The following RNASEH2B variants were observed in gnomAD, a reference collection of about 807,000 sequenced individuals.
RNASEH2B encodes the protein Aicardi-Goutieres syndrome 2 protein.
RNASEH2B carries 36 observed loss-of-function variants against 45.0 expected under a neutral mutation model. The ratio of observed to expected loss-of-function variants is 0.80; its 90% CI spans 0.61 to 1.06. The LOEUF (loss-of-function observed/expected upper bound fraction) is 1.06. Among genes scored for constraint, RNASEH2B ranks in the 50% least tolerant of loss-of-function variants. The probability of loss-of-function intolerance (pLI) is 0.00; values close to 1 mark genes in which losing one functional copy is unlikely to be tolerated. For synonymous variants in RNASEH2B, 119 were observed against 125.7 expected (o/e 0.95, Z 0.35); for missense variants, 361 against 360.3 (o/e 1.00, Z -0.02).
At chr13:50,930,632 C>T (rs1396498825) in intron 3 of RNASEH2B, 51 bp from the exon 4 acceptor site, 2 of 1,296,354 alleles carry the variant, frequency 1.5e-6, no homozygotes, top group Non-Finnish European at 1.1e-6. Flanking sequence ...GAAATAGCCA[C>T]ATTGTCTTTC....
intron 5 of RNASEH2B, chr13:50,942,470 T>A (rs1951844800): frequency 1.3e-5 from 2 of 152,176 alleles, no homozygotes; most frequent in South Asian, 4.1e-4. Context: ...TTAACAAGAT[T>A]TTTTTCCTGA....
chr13:50,956,967 C>T (rs566428039), downstream of RNASEH2B, among the ~76,000 whole-genome samples: 86 of 149,038 alleles, frequency 5.8e-4, 1 homozygote, highest in Admixed American at 4.8e-3. Context: ...GGCGCGATCT[C>T]GGCTCACTTT....
intron 1 of RNASEH2B, among the ~76,000 whole-genome samples, chr13:50,914,732 T>A (rs1311606438): frequency 6.6e-6 from 1 of 152,218 alleles, no homozygotes; most frequent in Non-Finnish European, 1.5e-5. Context: ...TAGTAACTGT[T>A]CCAAAATACT....
chr13:50,912,721 C>G (rs1879497942), intron 1 of RNASEH2B: 1 of 152,144 alleles, frequency 6.6e-6, no homozygotes, highest in South Asian at 2.1e-4. Flanking sequence ...AAACATTTTT[C>G]AAAAGTATTT....
At chr13:50,939,724 A>G (rs117923783) in intron 5 of RNASEH2B, among the ~76,000 whole-genome samples, 1,911 of 152,302 alleles carry the variant, frequency 0.013, 49 homozygotes, top group Admixed American at 0.074. Context: ...TTTGGTATAC[A>G]TATGAAAAAT....
rs963952677 is a variant in RNASEH2B, at chr13:50,947,691, C to T, written c.617-296C>T. Among the ~76,000 whole-genome samples the T allele has an allele frequency of 2.6e-5, 4 of 151,998 alleles. No homozygotes were observed. The South Asian group carries it at 8.3e-4, about 31-fold the overall frequency. ...TATTCAGTGGTTTCAAATAAGAAAG[C>T]AACCCTGAGTTTTTGTTTTTAATGT... On this transcript the variant is annotated intron_variant, in intron 7 of 10. Transcript: ENST00000336617.
rs371658274 is a variant in RNASEH2B at position 50,952,940 on chromosome 13, T to C, written c.742-965T>C. Reference sequence around the variant, plus strand: ...GGTTATGGGATAAAACACCATGGGCTGTGGAATCTTTTAGCACCAACTCTA... The same window carrying C: ...GGTTATGGGATAAAACACCATGGGCCGTGGAATCTTTTAGCACCAACTCTA... On this transcript the variant is annotated intron_variant, in intron 9 of 10. Coordinates refer to ENST00000336617, the MANE Select transcript of RNASEH2B (RefSeq NM_024570.4). 19 of 152,288 alleles carry C rather than the reference T, an allele frequency of 1.2e-4. No homozygotes were observed. The East Asian group carries it at 3.5e-3, about 28-fold the overall frequency. The allele number at this position is 152,288 out of a possible 1,614,324, so 9.4% of individuals were successfully genotyped here. A position where few individuals can be genotyped will look rare whatever the true frequency, so the allele number is the denominator to read the frequency against.
intron 9 of RNASEH2B, among the ~76,000 whole-genome samples, chr13:50,968,272 C>T (rs1392737946): frequency 6.6e-6 from 1 of 152,018 alleles, no homozygotes; most frequent in Non-Finnish European, 1.5e-5. Flanking sequence ...TGGTGGCACA[C>T]ACCTGTAATT....
At chr13:50,913,922 T>G (rs897103840) in intron 1 of RNASEH2B, among the ~76,000 whole-genome samples, 5 of 152,168 alleles carry the variant, frequency 3.3e-5, no homozygotes, top group African/African-American at 1.2e-4. Flanking sequence ...TATAAATTCA[T>G]GCATTAGAAC....
chr13:50,922,409 GA>G, intron 1 of RNASEH2B, among the ~76,000 whole-genome samples: 1 of 152,312 alleles, frequency 6.6e-6, no homozygotes, highest in East Asian at 1.9e-4. Flanking sequence ...GAGGTCCGGA[GA>G]AGGCAATAAA....
At chr13:50,928,245 A>T (rs1391384840) in intron 2 of RNASEH2B, 1 of 152,142 alleles carries the variant, frequency 6.6e-6, no homozygotes, top group Non-Finnish European at 1.5e-5. Context: ...TCTCCTGGTG[A>T]CAGTAATACG....
downstream of RNASEH2B, among the ~76,000 whole-genome samples, chr13:50,956,968 G>A (rs1952059023): frequency 6.7e-6 from 1 of 148,732 alleles, no homozygotes; most frequent in African/African-American, 2.5e-5. Context: ...GCGCGATCTC[G>A]GCTCACTTTT....
chr13:50,944,043 A>G (rs1302115262), intron 6 of RNASEH2B, among the ~76,000 whole-genome samples: 1 of 148,986 alleles, frequency 6.7e-6, no homozygotes, highest in African/African-American at 2.5e-5. Context: ...ACGTGATGGG[A>G]CGGGACGGGA....
At chr13:50,923,425 G>C (rs1234447603) in intron 1 of RNASEH2B, among the ~76,000 whole-genome samples, 1 of 152,036 alleles carries the variant, frequency 6.6e-6, no homozygotes, top group Non-Finnish European at 1.5e-5. Flanking sequence ...CTTGAAAGCA[G>C]TAAAAGAAAA....
chr13:50,922,516 G>T (rs576948923), intron 1 of RNASEH2B, among the ~76,000 whole-genome samples: 21 of 152,288 alleles, frequency 1.4e-4, no homozygotes, highest in African/African-American at 4.8e-4. Flanking sequence ...ATCACTTATT[G>T]GTTCACAGCA....
chr13:50,966,205 A>T (rs1341601270), intron 9 of RNASEH2B, among the ~76,000 whole-genome samples: 1 of 152,250 alleles, frequency 6.6e-6, no homozygotes, highest in Non-Finnish European at 1.5e-5. Context: ...ATAAACACAC[A>T]TATATACACA....
Position 50,929,463 on chromosome 13 carries a change from T to C in RNASEH2B, c.137-12T>C, listed in dbSNP as rs1443564016. The C allele has an allele frequency of 1.3e-6, 2 of 1,554,290 alleles. No individual in the cohort carries two copies. Among genetic ancestry groups the C allele is most frequent in the Non-Finnish European group, 1.8e-6 (2 of 1,125,854 alleles). On this transcript the variant is annotated splice_polypyrimidine_tract_variant and intron_variant, in intron 2 of 10. Transcript: ENST00000336617. ...GAAAACTTACAAATAAAAGACAGAT[T>C]TGTCTTAACAGGAGAAGGAGCCATT...
chr13:50,930,367 C>T (rs1411444798), intron 3 of RNASEH2B, among the ~76,000 whole-genome samples: 1 of 152,274 alleles, frequency 6.6e-6, no homozygotes, highest in East Asian at 1.9e-4. Context: ...TTCCTCCTAA[C>T]CCCTCGTTTT....
intron 1 of RNASEH2B, among the ~76,000 whole-genome samples, chr13:50,924,418 T>C (rs1951564144): frequency 1.3e-5 from 2 of 152,162 alleles, no homozygotes; most frequent in African/African-American, 2.4e-5. Flanking sequence ...AAATCAACTT[T>C]ATGATAAAAA....
Sources: allele counts gnomAD v4.1 joint callset (sites outside exome capture counted in the v4.1 genomes callset), GRCh38; gene constraint gnomAD v4.1.1; transcripts MANE v1.5; gene names NCBI Gene and HGNC (gene_info 2026-07-23, HGNC 2026-07-21).